FNIP2: variants seen among roughly 807,000 people sequenced by gnomAD.
The protein encoded by FNIP2 is folliculin-interacting protein 2.
In FNIP2, 32 loss-of-function variants were observed where a neutral mutation model predicts 108.7. The observed-to-expected ratio is 0.29, with a 90% CI of 0.22 to 0.40. The LOEUF is 0.40. FNIP2 is among the 10% of genes least tolerant of loss of function. FNIP2 has a pLI of 1.00. For missense variants in FNIP2, 1,202 were observed against 1,381.6 expected, an observed-to-expected ratio of 0.87 and a Z score of 2.06; for synonymous variants, 480 against 496.7, an observed-to-expected ratio of 0.97 and a Z score of 0.45.
rs1337528658 is a variant in FNIP2 at position 158,906,936 on chromosome 4, A to G, written c.*2392A>G. 6.6e-6 allele frequency: 1 copy of G among 152,214 alleles called. No homozygotes were observed. Among genetic ancestry groups the G allele is most frequent in the Non-Finnish European group, 1.5e-5 (1 of 68,038 alleles). The allele number at this position is 152,214 out of a possible 1,614,324, so 9.4% of individuals were successfully genotyped here. ...CACTTGCTCCCATGCCCACCTCAAG[A>G]AAAAACATAAAACAATTTTTTTTAA... is the stretch of plus-strand genomic sequence containing the variant. On this transcript the variant is annotated 3_prime_UTR_variant, in exon 17 of 17. Coordinates refer to ENST00000264433, the MANE Select transcript of FNIP2 (RefSeq NM_020840.3).
intron 1 of FNIP2, among the ~76,000 whole-genome samples, chr4:158,780,532 C>A (rs191871564): frequency 1.3e-5 from 2 of 152,290 alleles, no homozygotes; most frequent in East Asian, 3.9e-4. Flanking sequence ...TTTTTATTAG[C>A]CAATTTATAG....
chr4:158,872,704 G>GGCGCCA (rs1296581961), intron 14 of FNIP2: 32 of 975,814 alleles, frequency 3.3e-5, no homozygotes, highest in Non-Finnish European at 3.7e-5. Flanking sequence ...GTAGTGTTCT[G>GGCGCCA]TTTAAACTGG....
rs1729726029 is a variant in FNIP2 at position 158,905,192 on chromosome 4, G to GT, written c.*651dup. The GT allele has an allele frequency of 6.6e-6, 1 of 152,400 alleles. No homozygotes were observed. Among genetic ancestry groups the GT allele is most frequent in the African/African-American group, 2.4e-5 (1 of 41,434 alleles). 9.4% of individuals were successfully genotyped at this position (152,400 alleles called of 1,614,324 possible). On this transcript the variant is annotated 3_prime_UTR_variant, in exon 17 of 17. Transcript: ENST00000264433. The stretch of plus-strand genomic sequence containing the variant: ...TTCATTTCTTCTTGGAGTTTACCTT[G>GT]TTTCAGATGCAGCCATGGGTAGGTC...
Position 158,868,358 on chromosome 4 carries a change from C to T in FNIP2, c.1722C>T (p.Asn574=), listed in dbSNP as rs745850998. The change falls in exon 13 of 17, where the codon AAC becomes AAT. Residue 574 remains asparagine, a synonymous_variant. Coordinates refer to ENST00000264433, the MANE Select transcript of FNIP2 (RefSeq NM_020840.3). This position sits in a 1 kb window ranked among gnomAD's most constrained non-coding sequence, Gnocchi z 4.6. ...ESEYVVITVR[N]EPALVPPILP... is the part of the protein sequence containing the mutation. ...AGTATGTGGTCATTACGGTGAGGAA[C>T]GAGCCCGCTCTTGTACCCCCCATCC... 113 of 1,613,954 alleles carry T rather than the reference C, an allele frequency of 7.0e-5. 1 individual carries two copies. The East Asian group carries it at 2.3e-3, about 33-fold the overall frequency.
rs576646958 is a variant in FNIP2, at chr4:158,813,875, G to A, written c.108-12041G>A. Among the ~76,000 whole-genome samples, 6 of 152,290 alleles carry A rather than the reference G, an allele frequency of 3.9e-5. No individual in the cohort carries two copies. In the South Asian group the frequency reaches 8.3e-4, roughly 21 times the overall value. On this transcript the variant is annotated intron_variant, in intron 1 of 16. Transcript: ENST00000264433. ...TTGTGAAGGATGTAAGGTCTGTGTC[G>A]AGATTCTTTTTTTTGCACCTGGATG...
chr4:158,876,994 C>T (rs4501174), intron 14 of FNIP2, among the ~76,000 whole-genome samples: 4,176 of 152,256 alleles, frequency 0.027, 58 homozygotes, highest in Admixed American at 0.038. Context: ...TGATGTTTTT[C>T]CCAAAATGTT....
chr4:158,845,506 C>T (rs574542982), intron 7 of FNIP2, among the ~76,000 whole-genome samples: 8 of 152,324 alleles, frequency 5.3e-5, no homozygotes, highest in East Asian at 1.9e-4. Context: ...TTGAGCTATC[C>T]TCCTGCCTCA....
At chr4:158,857,863 G>A (rs979428490) in intron 8 of FNIP2, among the ~76,000 whole-genome samples, 46 of 152,000 alleles carry the variant, frequency 3.0e-4, no homozygotes, top group African/African-American at 9.4e-4. Flanking sequence ...TGGGAGGATC[G>A]CTTGAGCCTG....
At chr4:158,804,018 A>C (rs1776851204) in intron 1 of FNIP2, among the ~76,000 whole-genome samples, 1 of 152,218 alleles carries the variant, frequency 6.6e-6, no homozygotes, top group Non-Finnish European at 1.5e-5. Context: ...AGCTCACTGC[A>C]ACCTCTGCCT....
At chr4:158,901,128 ATTT>A (rs140017298) in intron 16 of FNIP2, among the ~76,000 whole-genome samples, 5 of 112,286 alleles carry the variant, frequency 4.5e-5, no homozygotes, top group Admixed American at 9.9e-5. Flanking sequence ...CTGGGTTGAA[ATTT>A]TTTTTTTTTT....
At chr4:158,806,763 G>A (rs992798924) in intron 1 of FNIP2, among the ~76,000 whole-genome samples, 3 of 152,136 alleles carry the variant, frequency 2.0e-5, no homozygotes, top group Non-Finnish European at 2.9e-5. Context: ...AAAAGGTGCC[G>A]TCCTGAAGTA....
At chr4:158,882,658 ATTC>A (rs968264792) in intron 14 of FNIP2, among the ~76,000 whole-genome samples, 9 of 152,256 alleles carry the variant, frequency 5.9e-5, no homozygotes, top group Non-Finnish European at 2.9e-5. Flanking sequence ...ACTAAGAAAA[ATTC>A]TTCTGCCTTG....
At chr4:158,800,209 T>C (rs1007340404) in intron 1 of FNIP2, among the ~76,000 whole-genome samples, 3 of 152,148 alleles carry the variant, frequency 2.0e-5, no homozygotes, top group Non-Finnish European at 2.9e-5. Flanking sequence ...GTAGCACTTT[T>C]TCAAAAAAAC....
intron 1 of FNIP2, among the ~76,000 whole-genome samples, chr4:158,780,989 C>T (rs1385906628): frequency 6.7e-6 from 1 of 148,578 alleles, no homozygotes; most frequent in Admixed American, 6.8e-5. Context: ...GAGCTGAGAT[C>T]GCGCCACCGC....
At chr4:158,792,623 T>C (rs1467924953) in intron 1 of FNIP2, among the ~76,000 whole-genome samples, 3 of 152,196 alleles carry the variant, frequency 2.0e-5, no homozygotes, top group Non-Finnish European at 1.5e-5. Context: ...AACCAAGGTA[T>C]GTATTAATCT....
chr4:158,850,221 A>G (rs1416712709), intron 7 of FNIP2, among the ~76,000 whole-genome samples: 1 of 152,164 alleles, frequency 6.6e-6, no homozygotes, highest in Non-Finnish European at 1.5e-5. Flanking sequence ...ACCAAAATCA[A>G]TTTCCTTTGC....
At chr4:158,775,692 A>G (rs1775838417) in intron 1 of FNIP2, among the ~76,000 whole-genome samples, 2 of 152,240 alleles carry the variant, frequency 1.3e-5, no homozygotes, top group South Asian at 2.1e-4. Context: ...ATCATGCTAC[A>G]TATTTTTTTT....
chr4:158,859,808 C>G, intron 10 of FNIP2, 142 bp downstream of exon 10: 1 of 686,816 alleles, frequency 1.5e-6, no homozygotes, highest in Admixed American at 2.7e-5. Flanking sequence ...GGAAACAGAA[C>G]AAATGAAGCA....
At chr4:158,838,961 T>C (rs1265283985) in intron 7 of FNIP2, among the ~76,000 whole-genome samples, 1 of 152,202 alleles carries the variant, frequency 6.6e-6, no homozygotes. Context: ...ACACTGAGGT[T>C]GTGGGTTTGG....
Sources: allele counts gnomAD v4.1 joint callset (sites outside exome capture counted in the v4.1 genomes callset), GRCh38; gene constraint gnomAD v4.1.1; non-coding constraint Gnocchi (gnomAD v3.1); transcripts MANE v1.5; gene names NCBI Gene and HGNC (gene_info 2026-07-23, HGNC 2026-07-21).